The following NBEA variants were observed in gnomAD, a reference collection of about 807,000 sequenced individuals.
NBEA encodes neurobeachin.
In NBEA, 44 loss-of-function variants were observed where a neutral mutation model predicts 343.4. The observed-to-expected ratio is 0.13, with a 90% CI of 0.10 to 0.16. The LOEUF is 0.16. Among genes scored for constraint, NBEA ranks in the 10% least tolerant of loss-of-function variants. The probability of loss-of-function intolerance (pLI) is 1.00; values close to 1 mark genes in which losing one functional copy is unlikely to be tolerated. For missense variants in NBEA, 2,555 were observed against 3,631.3 expected, an observed-to-expected ratio of 0.70 and a Z score of 7.62; for synonymous variants, 1,175 against 1,238.7, an observed-to-expected ratio of 0.95 and a Z score of 1.08.
intron 38 of NBEA, among the ~76,000 whole-genome samples, chr13:35,384,518 A>G (rs1463293643): frequency 6.7e-6 from 1 of 150,104 alleles, no homozygotes; most frequent in Admixed American, 6.6e-5. Flanking sequence ...AACCTTGAAT[A>G]ATCTTTTTTT....
intron 32 of NBEA, among the ~76,000 whole-genome samples, chr13:35,209,979 T>C (rs2073656578): frequency 6.6e-6 from 1 of 152,174 alleles, no homozygotes; most frequent in African/African-American, 2.4e-5. Flanking sequence ...TTTCATTCTT[T>C]ATACTCATTC....
chr13:35,066,042 G>A (rs549678185), intron 8 of NBEA, among the ~76,000 whole-genome samples: 18 of 152,110 alleles, frequency 1.2e-4, no homozygotes, highest in South Asian at 4.1e-4. Flanking sequence ...GCACACTGGA[G>A]CCTTAGACTC....
At chr13:35,378,771 A>G (rs561706881) in intron 38 of NBEA, among the ~76,000 whole-genome samples, 2 of 151,990 alleles carry the variant, frequency 1.3e-5, no homozygotes, top group African/African-American at 4.8e-5. Context: ...GACACAGACA[A>G]TTACCAACAC....
At chr13:35,664,491 A>C (rs1373546775) in intron 55 of NBEA, among the ~76,000 whole-genome samples, 1 of 152,264 alleles carries the variant, frequency 6.6e-6, no homozygotes, top group African/African-American at 2.4e-5. Context: ...GAAGAGAAAA[A>C]TATAGAACTT....
chr13:35,262,199 C>T (rs1292611310), intron 34 of NBEA, among the ~76,000 whole-genome samples: 1 of 152,220 alleles, frequency 6.6e-6, no homozygotes, highest in Non-Finnish European at 1.5e-5. Flanking sequence ...CAGCAGCTGG[C>T]ATCTCATCCA....
At chr13:35,124,725 C>T (rs2067012829) in intron 17 of NBEA, among the ~76,000 whole-genome samples, 1 of 150,434 alleles carries the variant, frequency 6.6e-6, no homozygotes, top group African/African-American at 2.4e-5. Flanking sequence ...GATATATATA[C>T]ACATATGTAT....
intron 1 of NBEA, among the ~76,000 whole-genome samples, chr13:34,992,953 G>A (rs1459407985): frequency 6.6e-6 from 1 of 151,972 alleles, no homozygotes; most frequent in African/African-American, 2.4e-5. Context: ...AAAGTGCTGG[G>A]ATTACAGGCA....
At chr13:35,177,216 G>A (rs2070965911) in intron 28 of NBEA, 113 bp downstream of exon 28, 2 of 763,398 alleles carry the variant, frequency 2.6e-6, no homozygotes, top group Admixed American at 4.8e-5. Flanking sequence ...ATCTGGGATT[G>A]TTGGTTTATT....
chr13:35,649,340 G>A lies in NBEA; in HGVS notation c.7771-315G>A, dbSNP rs144497818. On this transcript the variant is annotated intron_variant, in intron 51 of 58. Coordinates refer to ENST00000379939, the MANE Select transcript of NBEA (RefSeq NM_001385012.1). ...AAGCTGCATTGCATAACTGTGTTAC[G>A]TCATGTGGGTGTGTCTATGAGCTAA... 2.9e-4 allele frequency among the ~76,000 whole-genome samples: 44 copies of A among 152,284 alleles called. No homozygotes were observed. In the East Asian group the frequency reaches 7.7e-3, roughly 27 times the overall value.
intron 38 of NBEA, among the ~76,000 whole-genome samples, chr13:35,387,656 C>T (rs2042305270): frequency 6.6e-6 from 1 of 152,094 alleles, no homozygotes; most frequent in Admixed American, 6.6e-5. Context: ...ACCATACCTT[C>T]ATGCCTACAT....
chr13:35,633,195 C>T (rs1185104279), intron 49 of NBEA, among the ~76,000 whole-genome samples: 4 of 151,448 alleles, frequency 2.6e-5, no homozygotes, highest in Middle Eastern at 3.5e-3. Context: ...CTCTGCCTCC[C>T]GGGTTCACGC....
intron 1 of NBEA, among the ~76,000 whole-genome samples, chr13:35,033,692 T>C (rs2062328476): frequency 6.6e-6 from 1 of 151,936 alleles, no homozygotes; most frequent in African/African-American, 2.4e-5. Context: ...ATCAGTGTTT[T>C]ATAGTTTTCA....
chr13:35,630,289 A>G (rs2083393734), intron 49 of NBEA, among the ~76,000 whole-genome samples: 1 of 152,224 alleles, frequency 6.6e-6, no homozygotes, highest in South Asian at 2.1e-4. Context: ...TTTCTACAAA[A>G]TAACATCATT....
intron 10 of NBEA, among the ~76,000 whole-genome samples, chr13:35,083,487 G>A (rs970369709): frequency 1.3e-5 from 2 of 152,070 alleles, no homozygotes; most frequent in Admixed American, 1.3e-4. Flanking sequence ...TTTCAACCCA[G>A]AACTTCATAT....
chr13:35,321,381 G>A (rs531497591), intron 36 of NBEA, among the ~76,000 whole-genome samples: 1 of 152,230 alleles, frequency 6.6e-6, no homozygotes, highest in South Asian at 2.1e-4. Context: ...GTTTGCTGGA[G>A]GTCCACTCCA....
chr13:35,474,968 G>A (rs2075796966), intron 41 of NBEA: 2 of 1,341,758 alleles, frequency 1.5e-6, no homozygotes, highest in African/African-American at 1.5e-5. Flanking sequence ...TGTTTGCACT[G>A]CGGAGTGGAA....
chr13:35,321,797 G>C (rs1020000321), intron 36 of NBEA, among the ~76,000 whole-genome samples: 2 of 152,216 alleles, frequency 1.3e-5, no homozygotes, highest in African/African-American at 2.4e-5. Flanking sequence ...ACTCTGCCCA[G>C]AGATGAAGAA....
At chr13:35,317,771 C>A (rs2037844729) in intron 36 of NBEA, among the ~76,000 whole-genome samples, 1 of 152,054 alleles carries the variant, frequency 6.6e-6, no homozygotes. Context: ...TCTGTTCTCT[C>A]TTATTTCCTT....
intron 49 of NBEA, 96 bp downstream of exon 49, chr13:35,628,344 A>G (rs1018377387): frequency 4.2e-6 from 4 of 962,898 alleles, no homozygotes; most frequent in Non-Finnish European, 5.9e-6. Context: ...TGTTTTCAAC[A>G]TAACTTCTTA....
Sources: gnomAD v4.1 joint callset for allele counts (sites outside exome capture counted in the v4.1 genomes callset) on GRCh38, gnomAD v4.1.1 for gene constraint, MANE v1.5 for transcripts, NCBI Gene and HGNC (gene_info 2026-07-23, HGNC 2026-07-21) for gene names.